Variants in DENND11 observed in about 807,000 individuals in gnomAD.
The protein encoded by DENND11 is DENN domain-containing protein 11.
A neutral mutation model predicts 49.2 loss-of-function variants in DENND11; 34 were observed. The observed-to-expected ratio is 0.69, with a 90% CI of 0.53 to 0.92. DENND11 has a LOEUF of 0.92. Ranked by LOEUF, DENND11 falls within the 40% of genes least tolerant of loss-of-function variation. The pLI is 0.00. For synonymous variants in DENND11, 238 were observed against 230.3 expected (o/e 1.03, Z -0.30); for missense variants, 475 against 581.6 (o/e 0.82, Z 1.88).
chr7:141,699,453 AT>A (rs1192190491), intron 1 of DENND11, among the ~76,000 whole-genome samples: 1 of 152,290 alleles, frequency 6.6e-6, no homozygotes, highest in South Asian at 2.1e-4. Context: ...CTATCAGAGT[AT>A]TTTTACAGGA....
chr7:141,662,662 G>C lies in DENND11; in HGVS notation c.1362C>G (p.Cys454Trp). 1 of 1,579,006 alleles carries C rather than the reference G, an allele frequency of 6.3e-7. No homozygotes were observed. Among genetic ancestry groups the C allele is most frequent in the Non-Finnish European group, 8.6e-7 (1 of 1,163,390 alleles). Reference protein sequence around the residue: ...DVMLVIDNPCCP With the variant: ...DVMLVIDNPCWP ...CCAGTCCTGTTGGCTCCTCCTACGG[G>C]CAACAGGGGTTGTCGATAACCAGCA... Residue 454 changes from cysteine (C) to tryptophan (W), a missense_variant, in exon 9 of 9, where the codon TGC becomes TGG. By Grantham distance (215) the Cys-to-Trp change is radical (BLOSUM62 -2). Transcript: ENST00000536163.
intron 4 of DENND11, among the ~76,000 whole-genome samples, chr7:141,673,850 A>G (rs926764125): frequency 6.6e-6 from 1 of 152,222 alleles, no homozygotes; most frequent in African/African-American, 2.4e-5. Context: ...ACGCCTTTAT[A>G]CTATGATTAC....
At chr7:141,699,935 C>T (rs891963698) in intron 1 of DENND11, among the ~76,000 whole-genome samples, 1 of 152,132 alleles carries the variant, frequency 6.6e-6, no homozygotes, top group African/African-American at 2.4e-5. Context: ...CACACACACA[C>T]ACACACACTC....
At chr7:141,688,709 T>C (rs1352884031) in intron 1 of DENND11, among the ~76,000 whole-genome samples, 1 of 152,138 alleles carries the variant, frequency 6.6e-6, no homozygotes, top group Non-Finnish European at 1.5e-5. Flanking sequence ...AGTCCAGTCG[T>C]TTTTTTCCTG....
intron 1 of DENND11, 183 bp downstream of exon 1, chr7:141,701,703 G>T: frequency 2.6e-6 from 1 of 389,160 alleles, no homozygotes; most frequent in Non-Finnish European, 4.0e-6. Context: ...TGCGCCCCGA[G>T]GGAGAGAGCT....
Position 141,702,013 on chromosome 7 carries a change from G to T in DENND11, c.141C>A (p.Pro47=). The change falls in exon 1 of 9, where the codon CCC becomes CCA. Residue 47 remains proline (P), a synonymous_variant. Coordinates refer to ENST00000536163, the MANE Select transcript of DENND11 (RefSeq NM_001080392.2). ...GGGARPAAEP[P]RRREPEEPAA... is the part of the protein sequence containing the mutation. ...CCGGCTCCTCGGGCTCCCGCCTCCG[G>T]GGCGGCTCCGCGGCCGGCCGGGCGC... 1 of 1,100,702 alleles carries T rather than the reference G, an allele frequency of 9.1e-7. No homozygotes were observed. Among genetic ancestry groups the T allele is most frequent in the Non-Finnish European group, 1.1e-6 (1 of 904,814 alleles). The allele number at this position is 1,100,702 out of a possible 1,614,324, so 68.2% of individuals were successfully genotyped here.
At chr7:141,679,340 A>G (rs929091404) in intron 3 of DENND11, among the ~76,000 whole-genome samples, 2 of 152,258 alleles carry the variant, frequency 1.3e-5, no homozygotes, top group Admixed American at 6.5e-5. Flanking sequence ...TTAAAAGACA[A>G]ATGAAAAAGT....
intron 1 of DENND11, among the ~76,000 whole-genome samples, chr7:141,693,151 AT>A (rs1400557241): frequency 6.6e-6 from 1 of 152,264 alleles, no homozygotes; most frequent in Non-Finnish European, 1.5e-5. Flanking sequence ...CGAAGAATTC[AT>A]AAAACTCAAC....
intron 1 of DENND11, among the ~76,000 whole-genome samples, chr7:141,697,507 C>T (rs774896016): frequency 5.9e-5 from 9 of 152,140 alleles, no homozygotes; most frequent in Non-Finnish European, 8.8e-5. Flanking sequence ...ACGTTCTGGC[C>T]GGATATCAGA....
intron 1 of DENND11, among the ~76,000 whole-genome samples, chr7:141,691,354 C>T (rs899895594): frequency 2.6e-5 from 4 of 152,142 alleles, no homozygotes; most frequent in South Asian, 2.1e-4. Flanking sequence ...ATCACCTGAT[C>T]GTTACATGAA....
intron 8 of DENND11, chr7:141,663,176 CTCTT>C (rs1797830429): frequency 4.2e-6 from 1 of 240,800 alleles, no homozygotes; most frequent in East Asian, 8.6e-5. Flanking sequence ...CTGCTTTTCT[CTCTT>C]TCTGCTTAGT....
chr7:141,693,981 T>C (rs1798368851), intron 1 of DENND11, among the ~76,000 whole-genome samples: 1 of 152,082 alleles, frequency 6.6e-6, no homozygotes, highest in Non-Finnish European at 1.5e-5. Context: ...AAATAAACAA[T>C]AATGTATCAA....
chr7:141,659,298 C>T lies in DENND11; in HGVS notation c.*3358G>A, dbSNP rs78374993. 0.085 allele frequency: 13,004 copies of T among 152,260 alleles called. 793 individuals carry two copies. The highest frequency in any genetic ancestry group is 0.13 in the Non-Finnish European group (8,831 of 68,008). The allele number at this position is 152,260 out of a possible 1,614,324, so 9.4% of individuals were successfully genotyped here. A position where few individuals can be genotyped will look rare whatever the true frequency, so the allele number is the denominator to read the frequency against. ...GTACAGGTCCCAGGTGGGACACTGACACTGGAATGGTCTCTACCAGGCATA... is the reference window on the plus strand; with the variant it reads ...GTACAGGTCCCAGGTGGGACACTGATACTGGAATGGTCTCTACCAGGCATA... On this transcript the variant is annotated 3_prime_UTR_variant, in exon 9 of 9. Transcript: ENST00000536163.
At chr7:141,669,909 C>G (rs1562996715) in intron 4 of DENND11, among the ~76,000 whole-genome samples, 1 of 143,256 alleles carries the variant, frequency 7.0e-6, no homozygotes, top group Admixed American at 7.4e-5. Context: ...CCCTGGGGTT[C>G]ACGCCATTCT....
At chr7:141,697,772 T>G (rs1158377189) in intron 1 of DENND11, among the ~76,000 whole-genome samples, 1 of 152,186 alleles carries the variant, frequency 6.6e-6, no homozygotes, top group African/African-American at 2.4e-5. Flanking sequence ...TTATGTTTCA[T>G]AGACTATACA....
Position 141,665,260 on chromosome 7 carries a change from A to G in DENND11, c.879T>C (p.Pro293=). 3 of 1,613,836 alleles carry G rather than the reference A, an allele frequency of 1.9e-6. No individual in the cohort carries two copies. Among genetic ancestry groups the G allele is most frequent in the Non-Finnish European group, 2.5e-6 (3 of 1,179,848 alleles). The change falls in exon 6 of 9, where the codon CCT becomes CCC. Residue 293 remains proline (P), a synonymous_variant. Transcript: ENST00000536163. Reference sequence around the variant, plus strand: ...TCACGTAGAAGAAAGGTTTGGACTCAGGAATGGTGCCCCCGATGCCAGGCA... The same window carrying G: ...TCACGTAGAAGAAAGGTTTGGACTCGGGAATGGTGCCCCCGATGCCAGGCA... ...VSLPGIGGTI[P]ESKPFFYVNV...
At position 141,685,575 on chromosome 7, in the gene DENND11, C is replaced by G. The variant is rs552019036; in HGVS notation, c.430G>C (p.Glu144Gln). 1.9e-6 allele frequency: 3 copies of G among 1,613,958 alleles called. No homozygotes were observed. In the African/African-American group the frequency reaches 4.0e-5, roughly 22 times the overall value. ...ACFANMPVES[E>Q]LERGARMKSV... Reference sequence around the variant, plus strand: ...TTCATCCGCGCGCCACGTTCCAGCTCGCTCTCCACGGGCATGTTGGCAAAG... The same window carrying G: ...TTCATCCGCGCGCCACGTTCCAGCTGGCTCTCCACGGGCATGTTGGCAAAG... The change falls in exon 3 of 9, where the codon GAG becomes CAG. Residue 144 changes from glutamate to glutamine, a missense_variant. Transcript: ENST00000536163.
chr7:141,671,014 C>G (rs529439798), intron 4 of DENND11, among the ~76,000 whole-genome samples: 89 of 152,320 alleles, frequency 5.8e-4, no homozygotes, highest in African/African-American at 2.1e-3. Flanking sequence ...CAAATGAGAT[C>G]TGGTGATCCT....
intron 1 of DENND11, among the ~76,000 whole-genome samples, chr7:141,689,612 A>T (rs931010850): frequency 1.8e-4 from 27 of 151,100 alleles, no homozygotes; most frequent in Non-Finnish European, 3.5e-4. Flanking sequence ...TTAAACTTTT[A>T]AAAAAAGTGC....
Sources: allele counts gnomAD v4.1 joint callset (sites outside exome capture counted in the v4.1 genomes callset), GRCh38; gene constraint gnomAD v4.1.1; transcripts MANE v1.5; gene names NCBI Gene and HGNC (gene_info 2026-07-23, HGNC 2026-07-21).